SH3BGRL2: variants seen among roughly 807,000 people sequenced by gnomAD.
SH3BGRL2 encodes the protein SH3 domain-binding glutamic acid-rich-like protein 2.
Under a neutral mutation model 14.8 loss-of-function variants are expected in SH3BGRL2, and 21 were observed. The observed-to-expected ratio is 1.42, with a 90% CI of 1.01 to 2.05. The LOEUF is 2.05. Among genes scored for constraint, SH3BGRL2 ranks in the 30% most tolerant of loss-of-function variants. The pLI, the probability that SH3BGRL2 is intolerant of heterozygous loss-of-function variation, is 0.00. For synonymous variants in SH3BGRL2, 50 were observed against 47.8 expected (o/e 1.05, Z -0.19); for missense variants, 147 against 130.8 (o/e 1.12, Z -0.61).
intron 1 of SH3BGRL2, among the ~76,000 whole-genome samples, chr6:79,659,487 A>T (rs925422161): frequency 6.6e-6 from 1 of 152,034 alleles, no homozygotes; most frequent in African/African-American, 2.4e-5. Context: ...GTTCTGTTCC[A>T]TTGGTCTATA....
chr6:79,546,774 C>T, the SH3BGRL2 span, among the ~76,000 whole-genome samples: 1 of 151,614 alleles, frequency 6.6e-6, no homozygotes, highest in Non-Finnish European at 1.5e-5. Flanking sequence ...CTCACTGTAA[C>T]CTCCGCCTGG....
chr6:79,646,605 T>G (rs760566187), intron 1 of SH3BGRL2, among the ~76,000 whole-genome samples: 6 of 152,210 alleles, frequency 3.9e-5, no homozygotes, highest in Admixed American at 2.6e-4. Context: ...CAATGTGTTT[T>G]TGTGTGTGTG....
chr6:79,676,039 T>C (rs1769875727), intron 2 of SH3BGRL2, among the ~76,000 whole-genome samples: 1 of 152,174 alleles, frequency 6.6e-6, no homozygotes. Flanking sequence ...AGCATTCTCA[T>C]TGCAGATATT....
chr6:79,659,912 G>A (rs1310744765), intron 1 of SH3BGRL2, among the ~76,000 whole-genome samples: 2 of 108,514 alleles, frequency 1.8e-5, no homozygotes, highest in African/African-American at 6.4e-5. Context: ...TTGTAAATGG[G>A]AGTTCACTCG....
At chr6:79,562,751 T>A in the SH3BGRL2 span, among the ~76,000 whole-genome samples, 40 of 152,332 alleles carry the variant, frequency 2.6e-4, no homozygotes, top group African/African-American at 9.4e-4. Context: ...AAGAATTGTC[T>A]TGGACCATAC....
At chr6:79,641,717 T>C (rs1008882310) in intron 1 of SH3BGRL2, among the ~76,000 whole-genome samples, 2 of 152,216 alleles carry the variant, frequency 1.3e-5, no homozygotes, top group African/African-American at 2.4e-5. Flanking sequence ...ACTTTTTCTG[T>C]ATCATAATCA....
chr6:79,690,373 A>G (rs1770188177), intron 2 of SH3BGRL2, among the ~76,000 whole-genome samples: 1 of 152,176 alleles, frequency 6.6e-6, no homozygotes. Flanking sequence ...TGATCAAGTT[A>G]CTAGCCCTCA....
At chr6:79,594,292 T>C in the SH3BGRL2 span, among the ~76,000 whole-genome samples, 23 of 152,296 alleles carry the variant, frequency 1.5e-4, no homozygotes, top group East Asian at 3.9e-3. Context: ...TTATTGTTCT[T>C]GGTTGAAGAT....
At chr6:79,552,860 G>A in the SH3BGRL2 span, 2 of 152,178 alleles carry the variant, frequency 1.3e-5, no homozygotes, top group African/African-American at 2.4e-5. Context: ...TAACTTCTCA[G>A]CATACTATAC....
chr6:79,651,061 A>C (rs1430240336), intron 1 of SH3BGRL2, among the ~76,000 whole-genome samples: 1 of 152,090 alleles, frequency 6.6e-6, no homozygotes, highest in Non-Finnish European at 1.5e-5. Context: ...ATAACTTTTC[A>C]CACAATTGAG....
chr6:79,681,685 C>T (rs1769990649), intron 2 of SH3BGRL2, among the ~76,000 whole-genome samples: 1 of 152,148 alleles, frequency 6.6e-6, no homozygotes, highest in Non-Finnish European at 1.5e-5. Context: ...CAGTTGATCT[C>T]AAGTGCAGTG....
At chr6:79,619,737 G>A in the SH3BGRL2 span, among the ~76,000 whole-genome samples, 37 of 152,164 alleles carry the variant, frequency 2.4e-4, no homozygotes, top group Non-Finnish European at 8.8e-5. Flanking sequence ...AAGATGGAGA[G>A]GGATGAATGA....
chr6:79,690,240 C>G (rs1562159014), intron 2 of SH3BGRL2, among the ~76,000 whole-genome samples: 1 of 152,156 alleles, frequency 6.6e-6, no homozygotes, highest in Non-Finnish European at 1.5e-5. Flanking sequence ...AGTCCTCACA[C>G]CTCAGCCTCC....
chr6:79,629,739 C>CA (rs1562142010), upstream of SH3BGRL2, among the ~76,000 whole-genome samples: 1 of 152,158 alleles, frequency 6.6e-6, no homozygotes, highest in East Asian at 1.9e-4. Context: ...TGTATTAGTA[C>CA]AGTGTGTCTT....
intron 2 of SH3BGRL2, among the ~76,000 whole-genome samples, chr6:79,677,126 G>A (rs1205709180): frequency 6.6e-6 from 1 of 152,160 alleles, no homozygotes; most frequent in South Asian, 2.1e-4. Flanking sequence ...CTAACCACAG[G>A]CCTTGTTCAT....
At chr6:79,687,916 T>C (rs1483934663) in intron 2 of SH3BGRL2, among the ~76,000 whole-genome samples, 1 of 152,192 alleles carries the variant, frequency 6.6e-6, no homozygotes, top group Non-Finnish European at 1.5e-5. Flanking sequence ...TTGACTTAGC[T>C]GTGGGAAGCA....
chr6:79,594,025 C>CAAA, the SH3BGRL2 span, among the ~76,000 whole-genome samples: 9 of 134,650 alleles, frequency 6.7e-5, 1 homozygote, highest in South Asian at 7.1e-4. Context: ...GACTCTGTCT[C>CAAA]AAAAAAAAAA....
chr6:79,649,985 T>TCACACACACACACA (rs1554202291), intron 1 of SH3BGRL2, among the ~76,000 whole-genome samples: 6 of 141,978 alleles, frequency 4.2e-5, no homozygotes, highest in East Asian at 2.1e-4. Context: ...TCTCTCTCTC[T>TCACACACACACACA]CACACACACA....
chr6:79,575,159 A>G, the SH3BGRL2 span: 1 of 152,208 alleles, frequency 6.6e-6, no homozygotes, highest in Non-Finnish European at 1.5e-5. Flanking sequence ...CACAATGTCC[A>G]TTTAGATGAA....
Sources: gnomAD v4.1 joint callset for allele counts (sites outside exome capture counted in the v4.1 genomes callset) on GRCh38, gnomAD v4.1.1 for gene constraint, MANE v1.5 for transcripts, NCBI Gene and HGNC (gene_info 2026-07-23, HGNC 2026-07-21) for gene names.